Variants in HYDIN observed in about 807,000 individuals in gnomAD.
HYDIN encodes the protein axonemal central pair apparatus protein HYDIN.
In HYDIN, 132 loss-of-function variants were observed where a neutral mutation model predicts 403.9. The observed-to-expected ratio is 0.33, with a 90% CI of 0.28 to 0.38. HYDIN has a LOEUF of 0.38. Ranked by LOEUF, HYDIN falls within the 10% of genes least tolerant of loss-of-function variation. HYDIN has a pLI of 1.00. For synonymous variants in HYDIN, 1,202 were observed against 1,891.7 expected, an observed-to-expected ratio of 0.64 and a Z score of 9.46; for missense variants, 2,827 against 5,009.5, an observed-to-expected ratio of 0.56 and a Z score of 13.15.
intron 10 of HYDIN, among the ~76,000 whole-genome samples, chr16:71,098,144 C>G (rs1176437090): frequency 1.3e-5 from 2 of 151,930 alleles, no homozygotes; most frequent in Admixed American, 1.3e-4. Flanking sequence ...AAAAGAGGGT[C>G]CTCTAAAGAT....
intron 46 of HYDIN, 87 bp from the exon 47 acceptor site, chr16:70,918,516 T>TAAAC: frequency 1.1e-6 from 1 of 942,550 alleles, no homozygotes; most frequent in Non-Finnish European, 1.6e-6. Flanking sequence ...GGCAATTGTT[T>TAAAC]AATTGTCTGC....
At chr16:71,205,188 A>C (rs571470507) in intron 1 of HYDIN, among the ~76,000 whole-genome samples, 27 of 152,360 alleles carry the variant, frequency 1.8e-4, no homozygotes, top group Admixed American at 3.3e-4. Flanking sequence ...GAGAGGGAAC[A>C]AAAAGGCCAA....
rs776649427 is a variant in HYDIN at position 71,062,336 on chromosome 16, G to T, written c.2212-3C>A. On this transcript the variant is annotated splice_region_variant and splice_polypyrimidine_tract_variant and intron_variant, in intron 16 of 85. Coordinates refer to ENST00000393567, the MANE Select transcript of HYDIN (RefSeq NM_001270974.2). ...ACAGTAGGCACCTCCTCACACACCT[G>T]GGGGAGAGAAAACCAGAGGGGTAAG... is the stretch of plus-strand genomic sequence containing the variant. 2 of 1,597,230 alleles carry T rather than the reference G, an allele frequency of 1.3e-6. No homozygotes were observed. The highest frequency in any genetic ancestry group is 1.7e-6 in the Non-Finnish European group (2 of 1,170,818).
intron 7 of HYDIN, 128 bp downstream of exon 7, chr16:71,152,531 G>C (rs1338596900): frequency 3.6e-6 from 3 of 823,282 alleles, no homozygotes; most frequent in Non-Finnish European, 5.7e-6. Context: ...TCTCCCCCAA[G>C]TCCACAAAAT....
intron 6 of HYDIN, among the ~76,000 whole-genome samples, chr16:71,157,426 T>C (rs1357705736): frequency 6.6e-6 from 1 of 151,962 alleles, no homozygotes; most frequent in East Asian, 1.9e-4. Flanking sequence ...TGAAGAACAC[T>C]GTCTAGGAAC....
chr16:70,842,932 T>C (rs1437680668), intron 75 of HYDIN, among the ~76,000 whole-genome samples: 2 of 151,978 alleles, frequency 1.3e-5, no homozygotes, highest in Non-Finnish European at 2.9e-5. Flanking sequence ...GTTGTTGTAT[T>C]AGTGGTTGCA....
At chr16:70,904,519 T>TTTTTG (rs2076478650) in intron 50 of HYDIN, among the ~76,000 whole-genome samples, 6 of 52,732 alleles carry the variant, frequency 1.1e-4, no homozygotes, top group South Asian at 6.1e-4. Flanking sequence ...TTTTTTTTTT[T>TTTTTG]GAGGGAGTTT....
intron 59 of HYDIN, among the ~76,000 whole-genome samples, chr16:70,883,174 G>A (rs1473767256): frequency 6.6e-6 from 1 of 152,002 alleles, no homozygotes; most frequent in African/African-American, 2.4e-5. Flanking sequence ...GGCCCACTAT[G>A]CTTCAAGGCT....
chr16:71,106,514 G>C (rs1336063544), intron 10 of HYDIN, among the ~76,000 whole-genome samples: 9 of 152,210 alleles, frequency 5.9e-5, no homozygotes, highest in Non-Finnish European at 1.3e-4. Flanking sequence ...CTCAGGGCAG[G>C]AACTATGCTT....
intron 53 of HYDIN, 65 bp from the exon 54 acceptor site, chr16:70,896,145 G>T: frequency 6.3e-7 from 1 of 1,597,062 alleles, no homozygotes; most frequent in Non-Finnish European, 8.5e-7. Context: ...CCTGAAACAT[G>T]TAATATCCTA....
intron 39 of HYDIN, among the ~76,000 whole-genome samples, chr16:70,959,051 A>AT (rs377661799): frequency 0.037 from 5,639 of 150,604 alleles, 148 homozygotes; most frequent in Non-Finnish European, 0.056. Context: ...TACAAATAAG[A>AT]TTTTTTTTTT....
rs775384636 is a variant in HYDIN at position 70,883,897 on chromosome 16, T to G, written c.9979+23A>C. The G allele has an allele frequency of 3.2e-5, 52 of 1,605,534 alleles. 1 individual carries two copies. In the East Asian group the frequency reaches 4.5e-4, roughly 14 times the overall value. On this transcript the variant is annotated intron_variant, in intron 59 of 85. Transcript: ENST00000393567. ...CAGATGAACACCTTTTAAGTGGTGC[T>G]GTCCAATGTGAGTGGTCAGTACCTG...
At chr16:71,158,654 A>G (rs1190601929) in intron 6 of HYDIN, among the ~76,000 whole-genome samples, 1 of 146,192 alleles carries the variant, frequency 6.8e-6, no homozygotes, top group East Asian at 2.0e-4. Flanking sequence ...GTTGTGGGAG[A>G]CCATTTTTTC....
chr16:71,211,159 T>C (rs373769180), intron 1 of HYDIN, among the ~76,000 whole-genome samples: 16 of 152,152 alleles, frequency 1.1e-4, no homozygotes, highest in African/African-American at 3.9e-4. Flanking sequence ...ATAAAACCTG[T>C]CCTGGTGCTG....
rs767392458 is a variant in HYDIN, at chr16:70,955,483, T to C, written c.6208A>G (p.Ile2070Val). The C allele has an allele frequency of 6.2e-7, 1 of 1,608,308 alleles. No individual in the cohort carries two copies. Among genetic ancestry groups the C allele is most frequent in the African/African-American group, 1.3e-5 (1 of 74,726 alleles). The change falls in exon 40 of 86, where the codon ATT becomes GTT. Residue 2070 changes from isoleucine (I) to valine (V), a missense_variant. Ile to Val is a conservative substitution (Grantham distance 29). Coordinates refer to ENST00000393567, the MANE Select transcript of HYDIN (RefSeq NM_001270974.2). ...CTGTTGGCCACAGCTTCCAGCACAATGGAGTCGATGCTCAGGCAGGCTGCG... is the reference window on the plus strand; with the variant it reads ...CTGTTGGCCACAGCTTCCAGCACAACGGAGTCGATGCTCAGGCAGGCTGCG... ...YNAACLSIDS[I>V]VLEAVANSNN...
chr16:70,857,571 A>T lies in HYDIN; in HGVS notation c.12295+134T>A, dbSNP rs529673226. On this transcript the variant is annotated intron_variant, in intron 72 of 85. Coordinates refer to ENST00000393567, the MANE Select transcript of HYDIN (RefSeq NM_001270974.2). ...AGTAAATATTTTGTGGCTTTTTAAA[A>T]ACTGATTGAGACCCTCTGATATGCT... 3.3e-4 allele frequency: 399 copies of T among 1,208,144 alleles called. 8 individuals are homozygous for T. In the East Asian group the frequency reaches 0.01, roughly 31 times the overall value. The allele number at this position is 1,208,144 out of a possible 1,614,324, so 74.8% of individuals were successfully genotyped here.
At chr16:70,898,918 A>C (rs1164865798) in intron 53 of HYDIN, among the ~76,000 whole-genome samples, 1 of 151,812 alleles carries the variant, frequency 6.6e-6, no homozygotes, top group Non-Finnish European at 1.5e-5. Flanking sequence ...TAATTTTTGT[A>C]ATTTGTAATT....
At chr16:71,205,163 T>C (rs1313120398) in intron 1 of HYDIN, among the ~76,000 whole-genome samples, 1 of 152,200 alleles carries the variant, frequency 6.6e-6, no homozygotes, top group South Asian at 2.1e-4. Context: ...AAGGAGCTCA[T>C]GTGTGCCACT....
rs56731678 is a variant in HYDIN at position 71,141,245 on chromosome 16, TA to T, written c.842-3894del. Among the ~76,000 whole-genome samples, 1,210 of 140,828 alleles carry T rather than the reference TA, an allele frequency of 8.6e-3. 13 individuals are homozygous for T. Among genetic ancestry groups the T allele is most frequent in the African/African-American group, 0.027 (1,056 of 38,550 alleles). The allele number at this position is 140,828 out of a possible 152,430, so 92.4% of individuals were successfully genotyped here. ...AATCATTGGTATAAAGACATATTTG[TA>T]AAAAAAAAAAAAGTATTGTTAGGAC... On this transcript the variant is annotated intron_variant, in intron 7 of 85. Coordinates refer to ENST00000393567, the MANE Select transcript of HYDIN (RefSeq NM_001270974.2).
Sources: allele counts gnomAD v4.1 joint callset (sites outside exome capture counted in the v4.1 genomes callset), GRCh38; gene constraint gnomAD v4.1.1; transcripts MANE v1.5; gene names NCBI Gene and HGNC (gene_info 2026-07-23, HGNC 2026-07-21).